Variants in GTF2A1 observed in about 807,000 individuals in gnomAD.
GTF2A1 encodes general transcription factor IIA subunit 1.
GTF2A1 carries 12 observed loss-of-function variants against 54.1 expected under a neutral mutation model. The observed-to-expected ratio is 0.22, with a 90% CI of 0.14 to 0.36. GTF2A1 has a LOEUF of 0.36. GTF2A1 is among the 10% of genes least tolerant of loss of function. The probability of loss-of-function intolerance (pLI) is 1.00; values close to 1 mark genes in which losing one functional copy is unlikely to be tolerated. For missense variants in GTF2A1, 335 were observed against 442.2 expected (o/e 0.76, Z 2.17); for synonymous variants, 145 against 152.0 (o/e 0.95, Z 0.34).
intron 7 of GTF2A1, 141 bp downstream of exon 7, chr14:81,192,378 A>G: frequency 1.6e-6 from 1 of 643,600 alleles, no homozygotes; most frequent in African/African-American, 1.8e-5. Flanking sequence ...AGTTAAAACA[A>G]TCTAACTTTA....
At chr14:81,188,691 G>T (rs1343126158) in intron 7 of GTF2A1, among the ~76,000 whole-genome samples, 1 of 151,444 alleles carries the variant, frequency 6.6e-6, no homozygotes, top group Non-Finnish European at 1.5e-5. Context: ...GCAGGAGAAT[G>T]GTGTGAACCC....
At chr14:81,206,921 G>A (rs1893244106) in intron 2 of GTF2A1, among the ~76,000 whole-genome samples, 1 of 151,862 alleles carries the variant, frequency 6.6e-6, no homozygotes, top group African/African-American at 2.4e-5. Flanking sequence ...AAAAACTTTT[G>A]CAGATTTTTG....
upstream of GTF2A1, chr14:81,221,046 G>T: frequency 6.5e-6 from 1 of 153,300 alleles, no homozygotes; most frequent in South Asian, 1.8e-4. Context: ...CGCGTGCGCA[G>T]GCGCGCCGGG....
At position 81,176,467 on chromosome 14, in the gene GTF2A1, A is replaced by C. The variant is rs1217275656; in HGVS notation, c.*3756T>G. ...ATTAAGGAACCTTGACTGAAAGAGT[A>C]GTTACTAACTCAATGTGTAGTAACT... On this transcript the variant is annotated 3_prime_UTR_variant, in exon 9 of 9. Transcript: ENST00000553612. The C allele has an allele frequency of 6.6e-6, 1 of 152,176 alleles. No individual in the cohort carries two copies. Among genetic ancestry groups the C allele is most frequent in the African/African-American group, 2.4e-5 (1 of 41,464 alleles). 9.4% of individuals were successfully genotyped at this position (152,176 alleles called of 1,614,324 possible).
intron 7 of GTF2A1, among the ~76,000 whole-genome samples, chr14:81,187,666 C>T (rs1428130326): frequency 6.6e-6 from 1 of 152,164 alleles, no homozygotes; most frequent in African/African-American, 2.4e-5. Flanking sequence ...AAGGTTCATC[C>T]ATGTTGTAGC....
Position 81,176,965 on chromosome 14 carries a change from G to C in GTF2A1, c.*3258C>G, listed in dbSNP as rs898147027. On this transcript the variant is annotated 3_prime_UTR_variant, in exon 9 of 9. Transcript: ENST00000553612. ...CCTATACAAGGGGTATTTACCCTCT[G>C]ATAAGAATGGTGACATTATTGCTAT... 1 of 151,934 alleles carries C rather than the reference G, an allele frequency of 6.6e-6. No individual in the cohort carries two copies. The highest frequency in any genetic ancestry group is 2.4e-5 in the African/African-American group (1 of 41,372). 9.4% of individuals were successfully genotyped at this position (151,934 alleles called of 1,614,324 possible).
chr14:81,186,452 C>T (rs1566851427), intron 7 of GTF2A1, among the ~76,000 whole-genome samples: 1 of 147,764 alleles, frequency 6.8e-6, no homozygotes, highest in African/African-American at 2.5e-5. Flanking sequence ...AAGATTCAGA[C>T]TTTTTTTTTT....
chr14:81,220,698 G>C lies in GTF2A1; in HGVS notation c.-180C>G. On this transcript the variant is annotated 5_prime_UTR_variant, in exon 1 of 9. Transcript: ENST00000553612. Reference sequence around the variant, plus strand: ...GAGAGCGGAGAGAGGAGGAGGAGGGGGGCACTCCTCCCGCAGCTGAAAACC... The same window carrying C: ...GAGAGCGGAGAGAGGAGGAGGAGGGCGGCACTCCTCCCGCAGCTGAAAACC... 1.3e-5 allele frequency: 5 copies of C among 389,986 alleles called. No individual in the cohort carries two copies. The highest frequency in any genetic ancestry group is 7.5e-5 in the East Asian group (2 of 26,552). 24.2% of individuals were successfully genotyped at this position (389,986 alleles called of 1,614,324 possible).
intron 2 of GTF2A1, among the ~76,000 whole-genome samples, chr14:81,209,266 G>C (rs1338515476): frequency 1.3e-5 from 2 of 152,134 alleles, no homozygotes; most frequent in Non-Finnish European, 2.9e-5. Context: ...CACGAGATCT[G>C]ATGGGTTTAT....
At chr14:81,194,570 A>T (rs568948034) in intron 6 of GTF2A1, among the ~76,000 whole-genome samples, 32 of 152,338 alleles carry the variant, frequency 2.1e-4, no homozygotes, top group African/African-American at 7.5e-4. Context: ...ACTGACATTT[A>T]AAAAAGAGAC....
intron 7 of GTF2A1, among the ~76,000 whole-genome samples, chr14:81,189,600 G>C (rs1892829717): frequency 6.6e-6 from 1 of 152,070 alleles, no homozygotes; most frequent in Admixed American, 6.6e-5. Context: ...AAACCCGGGG[G>C]ATGGAGCATG....
At chr14:81,194,089 A>G (rs1459620824) in intron 6 of GTF2A1, among the ~76,000 whole-genome samples, 2 of 152,108 alleles carry the variant, frequency 1.3e-5, no homozygotes, top group Non-Finnish European at 2.9e-5. Flanking sequence ...GCGGTCCCCA[A>G]CCCCTGTTAG....
chr14:81,186,685 T>C (rs1017416433), intron 7 of GTF2A1, among the ~76,000 whole-genome samples: 16 of 152,180 alleles, frequency 1.1e-4, no homozygotes, highest in African/African-American at 3.4e-4. Context: ...CAGTGGCTCA[T>C]GCCTGTTAAT....
intron 2 of GTF2A1, among the ~76,000 whole-genome samples, chr14:81,204,936 C>G (rs1893196890): frequency 6.6e-6 from 1 of 152,158 alleles, no homozygotes; most frequent in Non-Finnish European, 1.5e-5. Context: ...CAAAAAGTCA[C>G]AAACTATTCC....
chr14:81,203,887 A>T lies in GTF2A1; in HGVS notation c.337+13T>A. ...TTTCCAAGTCATAAGTAGGAAAACA[A>T]GTCCAGTCTCACCTTGCTGTGATGC... is the stretch of plus-strand genomic sequence containing the variant. On this transcript the variant is annotated intron_variant, in intron 3 of 8. Coordinates refer to ENST00000553612, the MANE Select transcript of GTF2A1 (RefSeq NM_015859.4). The T allele has an allele frequency of 6.3e-7, 1 of 1,599,588 alleles. No individual in the cohort carries two copies. The highest frequency in any genetic ancestry group is 8.6e-7 in the Non-Finnish European group (1 of 1,166,758).
At position 81,195,135 on chromosome 14, in the gene GTF2A1, CAAAAAA is replaced by C. The variant is rs749038152; in HGVS notation, c.612+967_612+972del. Among the ~76,000 whole-genome samples, 379 of 61,274 alleles carry C rather than the reference CAAAAAA, an allele frequency of 6.2e-3. 2 individuals carry two copies. The highest frequency in any genetic ancestry group is 0.018 in the African/African-American group (360 of 20,336). The allele number at this position is 61,274 out of a possible 152,430, so 40.2% of individuals were successfully genotyped here. ...ACCCTAGGTGACAGAGACTCTGTCTCAAAAAAAAAAAAAAAAAAAGATGACTATAAA... is the reference window on the plus strand; with the variant it reads ...ACCCTAGGTGACAGAGACTCTGTCTCAAAAAAAAAAAAAGATGACTATAAA... On this transcript the variant is annotated intron_variant, in intron 6 of 8. Coordinates refer to ENST00000553612, the MANE Select transcript of GTF2A1 (RefSeq NM_015859.4).
At chr14:81,187,591 C>T (rs1271265870) in intron 7 of GTF2A1, among the ~76,000 whole-genome samples, 1 of 152,158 alleles carries the variant, frequency 6.6e-6, no homozygotes, top group Non-Finnish European at 1.5e-5. Flanking sequence ...CTGGATATTT[C>T]ATATAAATGG....
In GTF2A1 at chr14:81,220,597, A is replaced by C. The variant is rs1893612399; in HGVS notation, c.-79T>G. On this transcript the variant is annotated 5_prime_UTR_variant, in exon 1 of 9. Transcript: ENST00000553612. ...CAAAACCAAAAAAAAAAAAACTATA[A>C]CACCCGGAGGGTGACCCAAATCACC... is the stretch of plus-strand genomic sequence containing the variant. 5 of 1,101,050 alleles carry C rather than the reference A, an allele frequency of 4.5e-6. No homozygotes were observed. Among genetic ancestry groups the C allele is most frequent in the East Asian group, 2.8e-5 (1 of 35,592 alleles). 68.2% of individuals were successfully genotyped at this position (1,101,050 alleles called of 1,614,324 possible). A position where few individuals can be genotyped will look rare whatever the true frequency, so the allele number is the denominator to read the frequency against.
At chr14:81,208,722 C>T (rs548068908) in intron 2 of GTF2A1, among the ~76,000 whole-genome samples, 2 of 152,326 alleles carry the variant, frequency 1.3e-5, no homozygotes, top group South Asian at 2.1e-4. Context: ...TGCCCAAGAC[C>T]GTGGGAACCC....
Sources: gnomAD v4.1 joint callset for allele counts (sites outside exome capture counted in the v4.1 genomes callset) on GRCh38, gnomAD v4.1.1 for gene constraint, MANE v1.5 for transcripts, NCBI Gene and HGNC (gene_info 2026-07-23, HGNC 2026-07-21) for gene names.